The following SHANK2 variants were observed in gnomAD, a reference collection of about 807,000 sequenced individuals.
The protein encoded by SHANK2 is SH3 and multiple ankyrin repeat domains protein 2.
In SHANK2, 43 loss-of-function variants were observed where a neutral mutation model predicts 133.7. That is an observed-to-expected ratio of 0.32 (90% CI 0.25 to 0.41). SHANK2 has a LOEUF of 0.41. Among genes scored for constraint, SHANK2 ranks in the 10% least tolerant of loss-of-function variants. The pLI, the probability that SHANK2 is intolerant of heterozygous loss-of-function variation, is 1.00. For missense variants in SHANK2, 1,994 were observed against 2,235.8 expected (o/e 0.89, Z 2.18); for synonymous variants, 1,017 against 952.8 (o/e 1.07, Z -1.24).
At chr11:71,155,306 A>C (rs113567340) in intron 2 of SHANK2, among the ~76,000 whole-genome samples, 11 of 61,764 alleles carry the variant, frequency 1.8e-4, no homozygotes, top group South Asian at 6.3e-4. Flanking sequence ...CCCCAGCCCA[A>C]GCTCCCAGAG....
intron 3 of SHANK2, among the ~76,000 whole-genome samples, chr11:71,137,826 C>G (rs1159470599): frequency 6.6e-6 from 1 of 152,224 alleles, no homozygotes; most frequent in East Asian, 1.9e-4. Context: ...TGGACTCCAT[C>G]AACTCCTAGA....
At chr11:70,860,030 C>T (rs75927747) in intron 11 of SHANK2, among the ~76,000 whole-genome samples, 4,725 of 152,246 alleles carry the variant, frequency 0.031, 261 homozygotes, top group African/African-American at 0.11. Context: ...TCAAAGAACC[C>T]CGACTATCTC....
chr11:70,822,493 T>A (rs1555056157), intron 11 of SHANK2, among the ~76,000 whole-genome samples: 1 of 145,594 alleles, frequency 6.9e-6, no homozygotes, highest in African/African-American at 2.6e-5. Flanking sequence ...GCAGAGTTCA[T>A]AGGGGACAGA....
At position 70,487,584 on chromosome 11, in the gene SHANK2, T is replaced by G; in HGVS notation, c.2709A>C (p.Pro903=). 1.9e-6 allele frequency: 3 copies of G among 1,603,040 alleles called. No individual in the cohort carries two copies. Among genetic ancestry groups the G allele is most frequent in the Non-Finnish European group, 2.6e-6 (3 of 1,175,796 alleles). Residue 903 remains proline, a synonymous_variant, in exon 25 of 26, where the codon CCA becomes CCC. Transcript: ENST00000601538. This position sits in a 1 kb window ranked among gnomAD's most constrained non-coding sequence, Gnocchi z 5.8. Reference sequence around the variant, plus strand: ...GGGACTTGGGGCAGTTGTAAGTGGTTGGGGAAGGTGGTGGTGGGGACGGGG... The same window carrying G: ...GGGACTTGGGGCAGTTGTAAGTGGTGGGGGAAGGTGGTGGTGGGGACGGGG... ...SVPPSPPPPS[P]TTYNCPKSPT...
At chr11:70,494,234 GGGCCTGGTTCCA>G (rs1347740774) in intron 21 of SHANK2, among the ~76,000 whole-genome samples, 2 of 152,192 alleles carry the variant, frequency 1.3e-5, no homozygotes, top group African/African-American at 4.8e-5. Flanking sequence ...TCTGCATGAG[GGGCCTGGTTCCA>G]GGCCTGTGTT....
intron 11 of SHANK2, among the ~76,000 whole-genome samples, chr11:70,851,332 GCTGT>G (rs1555065390): frequency 1.3e-5 from 2 of 152,152 alleles, no homozygotes; most frequent in African/African-American, 4.8e-5. Context: ...TGGTCACCTG[GCTGT>G]CCACAAAGAA....
At chr11:71,087,061 G>A (rs1328574909) in intron 8 of SHANK2, among the ~76,000 whole-genome samples, 1 of 152,204 alleles carries the variant, frequency 6.6e-6, no homozygotes, top group African/African-American at 2.4e-5. Flanking sequence ...CTGCCCCAGA[G>A]CTCAAGCCTC....
chr11:70,770,354 C>A (rs1947221901), intron 14 of SHANK2, among the ~76,000 whole-genome samples: 1 of 152,222 alleles, frequency 6.6e-6, no homozygotes, highest in Non-Finnish European at 1.5e-5. Flanking sequence ...GGGTCATGGC[C>A]ATGGGCCTGT....
chr11:70,605,010 T>A (rs1554991899), intron 17 of SHANK2, among the ~76,000 whole-genome samples: 1 of 152,146 alleles, frequency 6.6e-6, no homozygotes, highest in Non-Finnish European at 1.5e-5. Flanking sequence ...AGCACCAGGC[T>A]CTACAGTCAG....
At chr11:70,812,877 ACTGAATTCTTAAAATGAAAAAAT>A (rs1215501775) in intron 12 of SHANK2, among the ~76,000 whole-genome samples, 2 of 151,544 alleles carry the variant, frequency 1.3e-5, no homozygotes, top group Non-Finnish European at 2.9e-5. Context: ...GGGCCAAATC[ACTGAATTCTTAAAATGAAAAAAT>A]TGGTAATCTT....
At chr11:70,644,341 C>T (rs994370011) in intron 17 of SHANK2, among the ~76,000 whole-genome samples, 3 of 152,190 alleles carry the variant, frequency 2.0e-5, no homozygotes, top group Admixed American at 2.0e-4. Context: ...CTTCCCCAGC[C>T]CCCGACACCC....
chr11:70,887,170 TG>T (rs1411538044), intron 11 of SHANK2, among the ~76,000 whole-genome samples: 2 of 152,332 alleles, frequency 1.3e-5, no homozygotes, highest in African/African-American at 4.8e-5. Flanking sequence ...TCTTGCTATT[TG>T]GGATCTCCAT....
At chr11:70,536,423 G>C (rs1456633878) in intron 17 of SHANK2, among the ~76,000 whole-genome samples, 1 of 152,174 alleles carries the variant, frequency 6.6e-6, no homozygotes, top group Non-Finnish European at 1.5e-5. Context: ...AAGTGTGGCT[G>C]TGCACCCCAG....
At chr11:70,934,903 G>A (rs1199940750) in intron 10 of SHANK2, among the ~76,000 whole-genome samples, 2 of 152,080 alleles carry the variant, frequency 1.3e-5, no homozygotes, top group African/African-American at 2.4e-5. Context: ...GCCGGGGACC[G>A]CGATGCAAAC....
At position 70,492,720 on chromosome 11, in the gene SHANK2, T is replaced by TCG. The variant is rs543056803; in HGVS notation, c.2309-256_2309-255insCG. ...GACCCTCCACAGCTCGGCCACCTTC[T>TCG]TAAGTGCCCAGCCCCCAAGGGCTCT... is the stretch of plus-strand genomic sequence containing the variant. On this transcript the variant is annotated intron_variant, in intron 21 of 25. Coordinates refer to ENST00000601538, the MANE Select transcript of SHANK2 (RefSeq NM_012309.5). Among the ~76,000 whole-genome samples, 48 of 151,860 alleles carry TCG rather than the reference T, an allele frequency of 3.2e-4. No individual in the cohort carries two copies. The South Asian group carries it at 4.8e-3, about 15-fold the overall frequency.
intron 14 of SHANK2, among the ~76,000 whole-genome samples, chr11:70,711,866 A>G (rs1945791837): frequency 6.6e-6 from 1 of 152,206 alleles, no homozygotes. Context: ...GGAGGGGAAG[A>G]GAAAATAAGG....
In SHANK2 at chr11:70,535,239, C is replaced by T. The variant is rs976803801; in HGVS notation, c.2062-32308G>A. 1.7e-4 allele frequency among the ~76,000 whole-genome samples: 26 copies of T among 152,214 alleles called. No individual in the cohort carries two copies. The highest frequency in any genetic ancestry group is 5.8e-4 in the African/African-American group (24 of 41,448). ...TTCCCACATGAGTCAGTCCATCCAT[C>T]GCTCTATCCATCCATTACTCCATCC... On this transcript the variant is annotated intron_variant, in intron 17 of 25. Transcript: ENST00000601538. The surrounding 1 kb of genome is among the most constrained non-coding windows in gnomAD (Gnocchi z 4.3).
chr11:70,660,578 G>C (rs146682925), intron 16 of SHANK2, among the ~76,000 whole-genome samples: 1 of 152,126 alleles, frequency 6.6e-6, no homozygotes, highest in East Asian at 1.9e-4. Context: ...GGCTTCTGGG[G>C]CCCCACACAG....
intron 17 of SHANK2, among the ~76,000 whole-genome samples, chr11:70,557,167 CATTCAT>C: frequency 1.3e-5 from 2 of 152,166 alleles, no homozygotes; most frequent in South Asian, 4.2e-4. Context: ...TTCATTCATT[CATTCAT>C]TCATTCATTC....
Sources: gnomAD v4.1 joint callset for allele counts (sites outside exome capture counted in the v4.1 genomes callset) on GRCh38, gnomAD v4.1.1 for gene constraint, Gnocchi (gnomAD v3.1) non-coding constraint, MANE v1.5 for transcripts, NCBI Gene and HGNC (gene_info 2026-07-23, HGNC 2026-07-21) for gene names.